ZNF620: variants seen among roughly 807,000 people sequenced by gnomAD.
ZNF620 encodes the protein zinc finger protein 620.
In ZNF620, 10 loss-of-function variants were observed where a neutral mutation model predicts 13.3. That is an observed-to-expected ratio of 0.75 (90% confidence interval 0.46 to 1.28). The LOEUF is 1.28. Among genes scored for constraint, ZNF620 ranks in the 50% most tolerant of loss-of-function variants. ZNF620 has a pLI of 0.00. For synonymous variants in ZNF620, 166 were observed against 177.6 expected, an observed-to-expected ratio of 0.93 and a Z score of 0.52; for missense variants, 461 against 500.2, an observed-to-expected ratio of 0.92 and a Z score of 0.75.
Position 40,516,006 on chromosome 3 carries a change from G to A in ZNF620, c.412G>A (p.Gly138Ser). ...TGGGAGCAGCCTAGAGCAGCCACAA[G>A]GTCATTGGATAATTAAGACAAAGTC... ...DFGSSLEQPQ[G>S]HWIIKTKSKR... The change falls in exon 5 of 5, where the codon GGT becomes AGT. Residue 138 changes from glycine to serine, a missense_variant. Transcript: ENST00000314529. 1 of 1,614,134 alleles carries A rather than the reference G, an allele frequency of 6.2e-7. No individual in the cohort carries two copies. Among genetic ancestry groups the A allele is most frequent in the Non-Finnish European group, 8.5e-7 (1 of 1,180,028 alleles).
At chr3:40,511,400 A>C in intron 2 of ZNF620, 70 bp from the exon 3 acceptor site, 1 of 1,575,458 alleles carries the variant, frequency 6.3e-7, no homozygotes, top group Non-Finnish European at 8.6e-7. Flanking sequence ...GACCCAGTAG[A>C]TCTCTGCCCC....
chr3:40,510,305 C>A (rs1387476015), intron 2 of ZNF620, among the ~76,000 whole-genome samples: 1 of 152,062 alleles, frequency 6.6e-6, no homozygotes. Flanking sequence ...AATCTGTAAT[C>A]CCTGCATTTT....
At chr3:40,515,789 TG>T in intron 4 of ZNF620, 70 bp from the exon 5 acceptor site, 1 of 1,124,882 alleles carries the variant, frequency 8.9e-7, no homozygotes, top group Non-Finnish European at 1.2e-6. Context: ...ATTGTGTGTG[TG>T]TGTGTGTGTG....
At chr3:40,506,960 T>G (rs1698041783) in intron 2 of ZNF620, among the ~76,000 whole-genome samples, 1 of 152,140 alleles carries the variant, frequency 6.6e-6, no homozygotes, top group African/African-American at 2.4e-5. Context: ...TGCTTTTTTG[T>G]TTTGTTTTGT....
chr3:40,510,061 C>T (rs1698147728), intron 2 of ZNF620, among the ~76,000 whole-genome samples: 1 of 151,600 alleles, frequency 6.6e-6, no homozygotes, highest in African/African-American at 2.4e-5. Context: ...CCCACTGTCA[C>T]CCATGCCAGA....
At chr3:40,514,783 A>C (rs1698320791) in intron 4 of ZNF620, among the ~76,000 whole-genome samples, 1 of 152,072 alleles carries the variant, frequency 6.6e-6, no homozygotes, top group Non-Finnish European at 1.5e-5. Context: ...AAAATAAATA[A>C]ATACATAAAA....
intron 4 of ZNF620, among the ~76,000 whole-genome samples, 187 bp downstream of exon 4, chr3:40,512,702 C>T (rs1390470001): frequency 6.6e-6 from 1 of 152,222 alleles, no homozygotes; most frequent in Non-Finnish European, 1.5e-5. Context: ...TCTTTTAAGA[C>T]AGGAATGACT....
chr3:40,516,876 T>C lies in ZNF620; in HGVS notation c.*13T>C, dbSNP rs756268938. On this transcript the variant is annotated 3_prime_UTR_variant, in exon 5 of 5. Coordinates refer to ENST00000314529, the MANE Select transcript of ZNF620 (RefSeq NM_175888.4). ...TGTCCAAGCATAGGGCTATCCATAGTTAGGCCCACTGTGCCTCTCCTTTTT... is the reference window on the plus strand; with the variant it reads ...TGTCCAAGCATAGGGCTATCCATAGCTAGGCCCACTGTGCCTCTCCTTTTT... The C allele has an allele frequency of 6.4e-7, 1 of 1,572,176 alleles. No homozygotes were observed. The highest frequency in any genetic ancestry group is 1.2e-5 in the South Asian group (1 of 84,464).
At chr3:40,514,995 A>G (rs1291809818) in intron 4 of ZNF620, among the ~76,000 whole-genome samples, 2 of 152,198 alleles carry the variant, frequency 1.3e-5, no homozygotes, top group African/African-American at 4.8e-5. Context: ...GAATGCATGC[A>G]GGCTGAAGAT....
chr3:40,508,825 C>T, intron 2 of ZNF620: 1 of 456,050 alleles, frequency 2.2e-6, no homozygotes, highest in East Asian at 7.0e-5. Flanking sequence ...ACAAGGTTGC[C>T]TAGGCTCTTC....
rs369701172 is a variant in ZNF620, at chr3:40,516,558, A to G, written c.964A>G (p.Ser322Gly). 2.9e-5 allele frequency: 47 copies of G among 1,614,024 alleles called. No homozygotes were observed. Among genetic ancestry groups the G allele is most frequent in the Non-Finnish European group, 3.6e-5 (43 of 1,180,024 alleles). ...TTGGAAAACTTTCAGTTGCAGCTCA[A>G]GTTTCACTGTCCATCAGCGAATGCA... ...ECWKTFSCSSSFTVHQRMHTG... is the reference protein window; with the variant it reads ...ECWKTFSCSSGFTVHQRMHTG... Residue 322 changes from serine (S) to glycine (G), a missense_variant, in exon 5 of 5, where the codon AGT (serine) becomes GGT (glycine). Physicochemically the swap from Ser to Gly is moderately conservative, Grantham distance 56. Transcript: ENST00000314529.
rs548641174 is a variant in ZNF620, at chr3:40,510,964, G to A, written c.25-506G>A. 3.3e-5 allele frequency among the ~76,000 whole-genome samples: 5 copies of A among 152,172 alleles called. No homozygotes were observed. The South Asian group carries it at 1.0e-3, about 32-fold the overall frequency. ...GGGATTTCACCCTGTTGGCAACATC[G>A]CCAGGCTGGTCTCAAGCCATCCGCC... is the stretch of plus-strand genomic sequence containing the variant. On this transcript the variant is annotated intron_variant, in intron 2 of 4. Coordinates refer to ENST00000314529, the MANE Select transcript of ZNF620 (RefSeq NM_175888.4).
At chr3:40,513,839 A>C (rs879271948) in intron 4 of ZNF620, among the ~76,000 whole-genome samples, 5 of 152,150 alleles carry the variant, frequency 3.3e-5, no homozygotes, top group Non-Finnish European at 7.4e-5. Flanking sequence ...GGCCATACAG[A>C]GATAGGAGCT....
intron 4 of ZNF620, among the ~76,000 whole-genome samples, chr3:40,513,620 A>G (rs1575292164): frequency 6.6e-6 from 1 of 151,588 alleles, no homozygotes; most frequent in African/African-American, 2.4e-5. Context: ...GCCTGTGGGC[A>G]GCAAGCCACC....
At position 40,516,357 on chromosome 3, in the gene ZNF620, A is replaced by G. The variant is rs1698385041; in HGVS notation, c.763A>G (p.Lys255Glu). Residue 255 changes from lysine (K) to glutamate (E), a missense_variant, in exon 5 of 5, where the codon AAA becomes GAA. By Grantham distance (56) the Lys-to-Glu change is moderately conservative. Coordinates refer to ENST00000314529, the MANE Select transcript of ZNF620 (RefSeq NM_175888.4). ...IHTGKKPFKC[K>E]ECGKGLSSDT... ...CACTGGAAAGAAACCATTTAAATGT[A>G]AAGAATGTGGAAAAGGTTTAAGTTC... 2 of 1,614,120 alleles carry G rather than the reference A, an allele frequency of 1.2e-6. No individual in the cohort carries two copies. The highest frequency in any genetic ancestry group is 2.2e-5 in the South Asian group (2 of 91,088).
In ZNF620 at chr3:40,512,502, A is replaced by C; in HGVS notation, c.252A>C (p.Arg84Ser). 1 of 1,613,124 alleles carries C rather than the reference A, an allele frequency of 6.2e-7. No homozygotes were observed. The highest frequency in any genetic ancestry group is 1.1e-5 in the South Asian group (1 of 90,906). ...PWEPMGREAL[R>S]GICPGDEART... ...AACCTATGGGCAGGGAGGCTCTCAG[A>C]GGTATCTGTCCAGGTGAGCATGAGA... The change falls in exon 4 of 5, where the codon AGA becomes AGC. Residue 84 changes from arginine (R) to serine (S), a missense_variant. Coordinates refer to ENST00000314529, the MANE Select transcript of ZNF620 (RefSeq NM_175888.4).
At chr3:40,510,169 T>C (rs1698150493) in intron 2 of ZNF620, among the ~76,000 whole-genome samples, 1 of 151,960 alleles carries the variant, frequency 6.6e-6, no homozygotes, top group Non-Finnish European at 1.5e-5. Flanking sequence ...AGCACCACCT[T>C]GCATGGCTAA....
chr3:40,516,333 A>G lies in ZNF620; in HGVS notation c.739A>G (p.Thr247Ala), dbSNP rs948939150. The change falls in exon 5 of 5, where the codon ACT (threonine) becomes GCT (alanine). Residue 247 changes from threonine to alanine, a missense_variant. Coordinates refer to ENST00000314529, the MANE Select transcript of ZNF620 (RefSeq NM_175888.4). Reference protein sequence around the residue: ...SLLIRHQIIHTGKKPFKCKEC... With the variant: ...SLLIRHQIIHAGKKPFKCKEC... ...ACTTATTCGGCATCAGATAATTCAC[A>G]CTGGAAAGAAACCATTTAAATGTAA... The G allele has an allele frequency of 6.2e-6, 10 of 1,614,108 alleles. No homozygotes were observed. The highest frequency in any genetic ancestry group is 8.5e-6 in the Non-Finnish European group (10 of 1,180,046).
rs1228471987 is a variant in ZNF620 at position 40,506,099 on chromosome 3, G to T, written c.-89G>T. On this transcript the variant is annotated 5_prime_UTR_variant, in exon 1 of 5. Transcript: ENST00000314529. ...CACGCTTTATCTGCGCCTGCGCCGC[G>T]CGGGATTCGCGGTCCGAGCTGAAGA... 3.5e-6 allele frequency: 2 copies of T among 578,060 alleles called. No individual in the cohort carries two copies. Among genetic ancestry groups the T allele is most frequent in the African/African-American group, 1.9e-5 (1 of 53,340 alleles). The allele number at this position is 578,060 out of a possible 1,614,324, so 35.8% of individuals were successfully genotyped here.
Sources: gnomAD v4.1 joint callset for allele counts (sites outside exome capture counted in the v4.1 genomes callset) on GRCh38, gnomAD v4.1.1 for gene constraint, MANE v1.5 for transcripts, NCBI Gene and HGNC (gene_info 2026-07-23, HGNC 2026-07-21) for gene names.